The following SLC2A9 variants were observed in gnomAD, a reference collection of about 807,000 sequenced individuals.
SLC2A9 encodes solute carrier family 2 member 9.
SLC2A9 carries 39 observed loss-of-function variants against 50.6 expected under a neutral mutation model. That is an observed-to-expected ratio of 0.77 (90% CI 0.60 to 1.01). The LOEUF is 1.01. SLC2A9 is among the 50% of genes least tolerant of loss of function. The pLI is 0.00. For missense variants in SLC2A9, 686 were observed against 677.6 expected, an observed-to-expected ratio of 1.01 and a Z score of -0.14; for synonymous variants, 324 against 276.9, an observed-to-expected ratio of 1.17 and a Z score of -1.69.
intron 10 of SLC2A9, among the ~76,000 whole-genome samples, chr4:9,868,040 TGTCTTTAGCCTCTGTCA>T: frequency 6.6e-6 from 1 of 152,306 alleles, no homozygotes; most frequent in Admixed American, 6.5e-5. Context: ...CCACCAGGCG[TGTCTTTAGCCTCTGTCA>T]GCCTTGGAGC....
chr4:9,801,715 GT>G (rs1284403034), intron 3 of SLC2A9, among the ~76,000 whole-genome samples: 1 of 152,204 alleles, frequency 6.6e-6, no homozygotes, highest in African/African-American at 2.4e-5. Flanking sequence ...CCCAGGAACT[GT>G]CCCCCCGAGC....
At chr4:10,009,807 C>T (rs1192748929) in intron 2 of SLC2A9, 5 of 152,218 alleles carry the variant, frequency 3.3e-5, no homozygotes, top group African/African-American at 1.2e-4. Flanking sequence ...TCACTCCTTC[C>T]TTCTCTCACT....
chr4:9,784,953 T>G (rs1188832735), intron 3 of SLC2A9, among the ~76,000 whole-genome samples: 3 of 152,226 alleles, frequency 2.0e-5, no homozygotes, highest in African/African-American at 7.2e-5. Context: ...TAATAAATAT[T>G]TGTTGAATGA....
chr4:9,834,364 C>T (rs62295676), intron 11 of SLC2A9, among the ~76,000 whole-genome samples: 14 of 152,198 alleles, frequency 9.2e-5, no homozygotes, highest in South Asian at 2.1e-4. Context: ...TTAATGAATT[C>T]GGTTTCCAAT....
chr4:9,896,424 A>G (rs1738569230), intron 8 of SLC2A9, among the ~76,000 whole-genome samples: 1 of 152,176 alleles, frequency 6.6e-6, no homozygotes, highest in South Asian at 2.1e-4. Flanking sequence ...GCATGTGTTC[A>G]TATATTTTGC....
chr4:9,955,149 G>A (rs1750994876), intron 5 of SLC2A9, among the ~76,000 whole-genome samples: 1 of 152,128 alleles, frequency 6.6e-6, no homozygotes, highest in African/African-American at 2.4e-5. Flanking sequence ...CCCAATCCAA[G>A]GGGAAGAATC....
In SLC2A9 at chr4:9,928,259, G is replaced by A. The variant is rs141360300; in HGVS notation, c.815-7687C>T. Reference sequence around the variant, plus strand: ...TAGCCTCAATGACCATTGACAGTACGCTGCCTCACAGAGATTTTCAAATTC... The same window carrying A: ...TAGCCTCAATGACCATTGACAGTACACTGCCTCACAGAGATTTTCAAATTC... On this transcript the variant is annotated intron_variant, in intron 6 of 11. Transcript: ENST00000264784. 2.6e-3 allele frequency among the ~76,000 whole-genome samples: 396 copies of A among 152,344 alleles called. 6 individuals carry two copies. Among genetic ancestry groups the A allele is most frequent in the African/African-American group, 9.3e-3 (386 of 41,580 alleles).
rs1731755672 is a variant in SLC2A9 at position 9,862,130 on chromosome 4, A to G, written c.1291+25437T>C. ...GCCTTCCCTCTATTTGCCTAAAAGC[A>G]GGACATAGATTTACAAAGACAAGAG... On this transcript the variant is annotated intron_variant, in intron 10 of 11. Coordinates refer to ENST00000264784, the MANE Select transcript of SLC2A9 (RefSeq NM_020041.3). 2.7e-5 allele frequency among the ~76,000 whole-genome samples: 4 copies of G among 150,734 alleles called. No homozygotes were observed. In the South Asian group the frequency reaches 8.3e-4, roughly 31 times the overall value.
chr4:10,024,654 C>T (rs1403981740), upstream of SLC2A9, among the ~76,000 whole-genome samples: 1 of 152,190 alleles, frequency 6.6e-6, no homozygotes, highest in African/African-American at 2.4e-5. Flanking sequence ...CCCACAGTGT[C>T]CTAAGCCTCT....
At chr4:10,012,865 C>T (rs1560487840) in intron 2 of SLC2A9, among the ~76,000 whole-genome samples, 1 of 152,086 alleles carries the variant, frequency 6.6e-6, no homozygotes. Flanking sequence ...TCATGTGTCA[C>T]GGCCCCAGGT....
chr4:10,030,308 T>A (rs1763898507), intron 1 of SLC2A9, among the ~76,000 whole-genome samples: 1 of 152,186 alleles, frequency 6.6e-6, no homozygotes. Flanking sequence ...AAAGATCACA[T>A]TGTACCACAC....
chr4:9,791,219 A>G (rs1719875687), intron 3 of SLC2A9, among the ~76,000 whole-genome samples: 2 of 152,278 alleles, frequency 1.3e-5, no homozygotes, highest in African/African-American at 4.8e-5. Context: ...GTCAGTACCT[A>G]ATAAGCATTT....
intron 6 of SLC2A9, among the ~76,000 whole-genome samples, chr4:9,938,270 A>ATT (rs35270015): frequency 0.03 from 3,491 of 118,176 alleles, 253 homozygotes; most frequent in African/African-American, 0.1. Flanking sequence ...ATCTTTTGCT[A>ATT]TTTTTTTTTT....
chr4:9,913,330 T>TGTGTGTGAGA (rs1491090035), intron 7 of SLC2A9, among the ~76,000 whole-genome samples: 1 of 88,730 alleles, frequency 1.1e-5, no homozygotes, highest in African/African-American at 4.6e-5. Context: ...TGTGTGTGTG[T>TGTGTGTGAGA]GAGAGAGAGA....
Position 9,980,654 on chromosome 4 carries a change from T to A in SLC2A9, c.619A>T (p.Ile207Phe), listed in dbSNP as rs1320358972. 6.2e-7 allele frequency: 1 copy of A among 1,614,024 alleles called. No homozygotes were observed. The highest frequency in any genetic ancestry group is 1.3e-5 in the African/African-American group (1 of 74,912). ...IRGSLGQVTA[I>F]FICIGVFTGQ... Reference sequence around the variant, plus strand: ...GTGAACACGCCAATGCAGATAAAGATGGCAGTCACCTGCCCCAGAGAGCCA... The same window carrying A: ...GTGAACACGCCAATGCAGATAAAGAAGGCAGTCACCTGCCCCAGAGAGCCA... The change falls in exon 5 of 12, where the codon ATC becomes TTC. Residue 207 changes from isoleucine (I) to phenylalanine (F), a missense_variant. By Grantham distance (21) the Ile-to-Phe change is conservative. Coordinates refer to ENST00000264784, the MANE Select transcript of SLC2A9 (RefSeq NM_020041.3).
intron 10 of SLC2A9, among the ~76,000 whole-genome samples, chr4:9,878,632 T>A (rs995512943): frequency 2.0e-5 from 3 of 151,968 alleles, no homozygotes; most frequent in Non-Finnish European, 4.4e-5. Context: ...ATAATAAAGC[T>A]GTAATTGTAA....
intron 1 of SLC2A9, among the ~76,000 whole-genome samples, chr4:9,772,508 G>A (rs1426235367): frequency 6.6e-6 from 1 of 152,178 alleles, no homozygotes; most frequent in Non-Finnish European, 1.5e-5. Flanking sequence ...GTGGTGTTGG[G>A]TGGCCGCATT....
At chr4:9,956,479 CA>C (rs927524794) in intron 5 of SLC2A9, among the ~76,000 whole-genome samples, 2 of 151,418 alleles carry the variant, frequency 1.3e-5, no homozygotes, top group Non-Finnish European at 2.9e-5. Flanking sequence ...GACTCCATCT[CA>C]AAAAACAAAA....
intron 11 of SLC2A9, among the ~76,000 whole-genome samples, chr4:9,834,441 T>A (rs180875329): frequency 3.5e-4 from 53 of 152,342 alleles, no homozygotes; most frequent in African/African-American, 1.2e-3. Flanking sequence ...ATTTTCCTAC[T>A]GATCACTGTC....
Sources: allele counts gnomAD v4.1 joint callset (sites outside exome capture counted in the v4.1 genomes callset), GRCh38; gene constraint gnomAD v4.1.1; transcripts MANE v1.5; gene names NCBI Gene and HGNC (gene_info 2026-07-23, HGNC 2026-07-21).